The following PROX2 variants were observed in gnomAD, a reference collection of about 807,000 sequenced individuals.
PROX2 encodes prospero homeobox protein 2.
PROX2 carries 46 observed loss-of-function variants against 48.9 expected under a neutral mutation model. That is an observed-to-expected ratio of 0.94 (90% CI 0.74 to 1.20). The LOEUF (loss-of-function observed/expected upper bound fraction) is 1.20, where lower values mean the gene tolerates loss of function less well. PROX2 is among the 50% of genes most tolerant of loss of function. The pLI, the probability that PROX2 is intolerant of heterozygous loss-of-function variation, is 0.00. For missense variants in PROX2, 663 were observed against 719.4 expected (o/e 0.92, Z 0.90); for synonymous variants, 260 against 276.6 (o/e 0.94, Z 0.60).
intron 5 of PROX2, chr14:74,856,026 C>G (rs2091740133): frequency 1.3e-5 from 2 of 152,356 alleles, no homozygotes; most frequent in South Asian, 2.1e-4. Context: ...CAGTGGATGA[C>G]CACAGTTCTT....
At position 74,858,462 on chromosome 14, in the gene PROX2, A is replaced by C; in HGVS notation, c.1358T>G (p.Phe453Cys). Residue 453 changes from phenylalanine (F) to cysteine (C), a missense_variant, in exon 4 of 6, where the codon TTC becomes TGC. Transcript: ENST00000556489. Reference sequence around the variant, plus strand: ...GTTGGAGCTGGGATATCGTGTGAAGAAAAACATTAGTTTGGCCTTCTTCAA... The same window carrying C: ...GTTGGAGCTGGGATATCGTGTGAAGCAAAACATTAGTTTGGCCTTCTTCAA... ...GHLKKAKLMFFFTRYPSSNLL... is the reference protein window; with the variant it reads ...GHLKKAKLMFCFTRYPSSNLL... The C allele has an allele frequency of 6.3e-7, 1 of 1,587,698 alleles. No homozygotes were observed. The highest frequency in any genetic ancestry group is 8.6e-7 in the Non-Finnish European group (1 of 1,165,836).
chr14:74,855,598 C>A, intron 5 of PROX2: 1 of 261,860 alleles, frequency 3.8e-6, no homozygotes. Flanking sequence ...GTCAGAAAAT[C>A]TTACTGAAAG....
At chr14:74,857,484 G>C (rs993259090) in intron 4 of PROX2, 1 of 153,740 alleles carries the variant, frequency 6.5e-6, no homozygotes, top group African/African-American at 2.4e-5. Flanking sequence ...CCAACCAACT[G>C]AATATGAGGG....
rs761291071 is a variant in PROX2 at position 74,862,880 on chromosome 14, T to G, written c.955A>C (p.Arg319=). The change falls in exon 3 of 6, where the codon AGA becomes CGA. Residue 319 remains arginine (R), a synonymous_variant. Transcript: ENST00000556489. ...TCCTGACAGGGTTTGGGGGTCATTC[T>G]TGGAGGGATAGGGTACCTAGGAGAA... is the stretch of plus-strand genomic sequence containing the variant. The part of the protein sequence containing the change: ...LDSPRYPIPP[R]MTPKPCQDPP... The G allele has an allele frequency of 1.9e-6, 3 of 1,613,916 alleles. No individual in the cohort carries two copies. Among genetic ancestry groups the G allele is most frequent in the Non-Finnish European group, 2.5e-6 (3 of 1,179,834 alleles).
At chr14:74,859,840 T>C (rs2091781216) in intron 3 of PROX2, among the ~76,000 whole-genome samples, 1 of 152,180 alleles carries the variant, frequency 6.6e-6, no homozygotes, top group Non-Finnish European at 1.5e-5. Context: ...CTACTTACCC[T>C]TCCTACAGAT....
chr14:74,868,308 C>A (rs1228764446), intron 2 of PROX2, among the ~76,000 whole-genome samples: 1 of 90,590 alleles, frequency 1.1e-5, no homozygotes, highest in Non-Finnish European at 2.1e-5. Flanking sequence ...TATAATTTCT[C>A]GTAATTATAT....
intron 2 of PROX2, among the ~76,000 whole-genome samples, chr14:74,868,313 TTATA>T (rs4026383): frequency 0.052 from 2,782 of 53,428 alleles, 94 homozygotes; most frequent in Non-Finnish European, 0.064. Context: ...TTTCTCGTAA[TTATA>T]TATATATATA....
At chr14:74,870,100 G>A (rs951298973) in intron 2 of PROX2, among the ~76,000 whole-genome samples, 1 of 151,988 alleles carries the variant, frequency 6.6e-6, no homozygotes, top group Non-Finnish European at 1.5e-5. Flanking sequence ...CTGGAGTGGG[G>A]GGGTAAGAGA....
At chr14:74,865,668 A>G (rs879566351) in intron 2 of PROX2, among the ~76,000 whole-genome samples, 3 of 151,656 alleles carry the variant, frequency 2.0e-5, no homozygotes, top group Non-Finnish European at 4.4e-5. Context: ...CGTCTCTACT[A>G]AAAATACAAA....
intron 3 of PROX2, 160 bp from the exon 4 acceptor site, chr14:74,858,674 A>G: frequency 1.7e-6 from 1 of 583,846 alleles, no homozygotes. Flanking sequence ...CTGGTCAAAT[A>G]AGCTGGATGA....
At chr14:74,864,089 C>T (rs149099922) in intron 2 of PROX2, 81 bp from the exon 3 acceptor site, 214 of 304,408 alleles carry the variant, frequency 7.0e-4, no homozygotes, top group African/African-American at 4.2e-3. Flanking sequence ...ACATTCAACG[C>T]GGTCTCGTTA....
chr14:74,856,946 C>G lies in PROX2; in HGVS notation c.1463G>C (p.Arg488Pro), dbSNP rs201972276. 1.9e-6 allele frequency: 3 copies of G among 1,613,988 alleles called. No homozygotes were observed. Among genetic ancestry groups the G allele is most frequent in the South Asian group, 1.1e-5 (1 of 91,090 alleles). ...TTCCATTTGGATGTAATAAAACTCA[C>G]GAAAGTTGCTGAACCACTTGATCAT... ...SQMIKWFSNF[R>P]EFYYIQMEKS... is the part of the protein sequence containing the mutation. Residue 488 changes from arginine (R) to proline (P), a missense_variant, in exon 5 of 6, where the codon CGT becomes CCT. Arg to Pro is a moderately radical substitution (Grantham distance 103, BLOSUM62 -2). Transcript: ENST00000556489.
rs368931360 is a variant in PROX2, at chr14:74,862,934, C to T, written c.901G>A (p.Gly301Arg). ...RVQLQAGVPV[G>R]NLSLAKRLDS... is the part of the protein sequence containing the mutation. ...AGACGCTTGGCCAGTGATAAATTTC[C>T]TACTGGGACCCCAGCTTGTAGCTGG... is the stretch of plus-strand genomic sequence containing the variant. The change falls in exon 3 of 6, where the codon GGA becomes AGA. Residue 301 changes from glycine (G) to arginine (R), a missense_variant. Gly to Arg is a moderately radical substitution (Grantham distance 125). Coordinates refer to ENST00000556489, the MANE Select transcript of PROX2 (RefSeq NM_001243007.2). 33 of 1,613,924 alleles carry T rather than the reference C, an allele frequency of 2.0e-5. No individual in the cohort carries two copies. In the African/African-American group the frequency reaches 2.7e-4, roughly 13 times the overall value.
Position 74,856,851 on chromosome 14 carries a change from C to G in PROX2, c.1558G>C (p.Glu520Gln). 2.5e-6 allele frequency: 4 copies of G among 1,614,000 alleles called. No individual in the cohort carries two copies. Among genetic ancestry groups the G allele is most frequent in the Non-Finnish European group, 3.4e-6 (4 of 1,179,886 alleles). ...TGCATATTGAGAGCTTGAAAAAGTTCTGAATTGCGGAGAACCACCAGCATT... is the reference window on the plus strand; with the variant it reads ...TGCATATTGAGAGCTTGAAAAAGTTGTGAATTGCGGAGAACCACCAGCATT... ...PKMLVVLRNS[E>Q]LFQALNMHYN... is the part of the protein sequence containing the mutation. The change falls in exon 5 of 6, where the codon GAA becomes CAA. Residue 520 changes from glutamate (E) to glutamine (Q), a missense_variant. Transcript: ENST00000556489.
intron 2 of PROX2, among the ~76,000 whole-genome samples, chr14:74,866,083 T>C (rs139517668): frequency 6.6e-6 from 1 of 151,710 alleles, no homozygotes; most frequent in Non-Finnish European, 1.5e-5. Context: ...AGTGAAACCT[T>C]GTCTCTACTT....
At position 74,855,110 on chromosome 14, in the gene PROX2, T is replaced by C. The variant is rs757873542; in HGVS notation, c.*22A>G. The C allele has an allele frequency of 6.7e-7, 1 of 1,495,016 alleles. No homozygotes were observed. Among genetic ancestry groups the C allele is most frequent in the East Asian group, 2.3e-5 (1 of 42,862 alleles). 92.6% of individuals were successfully genotyped at this position (1,495,016 alleles called of 1,614,324 possible). A position where few individuals can be genotyped will look rare whatever the true frequency, so the allele number is the denominator to read the frequency against. On this transcript the variant is annotated 3_prime_UTR_variant, in exon 6 of 6. Coordinates refer to ENST00000556489, the MANE Select transcript of PROX2 (RefSeq NM_001243007.2). ...CCCTAGCCAGTCACTCCTCACGTTG[T>C]GGGATCTTAACCCCGAAACAGCTAC... is the stretch of plus-strand genomic sequence containing the variant.
rs1161460546 is a variant in PROX2, at chr14:74,862,580, G to C, written c.1255C>G (p.Gln419Glu). The change falls in exon 3 of 6, where the codon CAG becomes GAG. Residue 419 changes from glutamine to glutamate, a missense_variant. Transcript: ENST00000556489. ...TCCATGACAGCATGCAGGCCTCTCT[G>C]TTCCATCTTCACCGAGGGAAGAAGG... ...LPLLPSVKME[Q>E]RGLHAVMEAL... 5 of 1,613,824 alleles carry C rather than the reference G, an allele frequency of 3.1e-6. No homozygotes were observed. In the African/African-American group the frequency reaches 6.7e-5, roughly 22 times the overall value.
intron 2 of PROX2, among the ~76,000 whole-genome samples, chr14:74,864,746 G>A (rs565380233): frequency 6.6e-6 from 1 of 152,236 alleles, no homozygotes; most frequent in Admixed American, 6.5e-5. Flanking sequence ...GGAGGCTGAG[G>A]CAGGAAAATC....
intron 2 of PROX2, among the ~76,000 whole-genome samples, chr14:74,868,849 AT>A (rs961099179): frequency 5.4e-5 from 8 of 147,272 alleles, no homozygotes; most frequent in African/African-American, 1.5e-4. Flanking sequence ...AAAAAAAAAA[AT>A]AAGATAGTAT....
Sources: allele counts gnomAD v4.1 joint callset (sites outside exome capture counted in the v4.1 genomes callset), GRCh38; gene constraint gnomAD v4.1.1; transcripts MANE v1.5; gene names NCBI Gene and HGNC (gene_info 2026-07-23, HGNC 2026-07-21).